Variants in KCND2 observed in about 807,000 individuals in gnomAD.
KCND2 encodes A-type voltage-gated potassium channel KCND2.
Under a neutral mutation model 54.4 loss-of-function variants are expected in KCND2, and 16 were observed. That is an observed-to-expected ratio of 0.29 (90% CI 0.20 to 0.45). The LOEUF is 0.45. Ranked by LOEUF, KCND2 falls within the 20% of genes least tolerant of loss-of-function variation. The pLI, the probability that KCND2 is intolerant of heterozygous loss-of-function variation, is 1.00. For missense variants in KCND2, 486 were observed against 824.2 expected, an observed-to-expected ratio of 0.59 and a Z score of 5.02; for synonymous variants, 317 against 310.7, an observed-to-expected ratio of 1.02 and a Z score of -0.21.
chr7:120,279,929 G>T (rs553360078), intron 1 of KCND2, among the ~76,000 whole-genome samples: 4 of 152,018 alleles, frequency 2.6e-5, no homozygotes, highest in African/African-American at 9.6e-5. Flanking sequence ...TTTGGGTAAT[G>T]ATGGGAGTAT....
intron 1 of KCND2, among the ~76,000 whole-genome samples, chr7:120,304,559 G>A (rs535720672): frequency 1.1e-4 from 17 of 152,230 alleles, no homozygotes; most frequent in Admixed American, 4.6e-4. Context: ...AATGGTGGGT[G>A]GGGCTCATCA....
chr7:120,516,832 CAT>C (rs1425186754), intron 1 of KCND2, among the ~76,000 whole-genome samples: 1 of 152,108 alleles, frequency 6.6e-6, no homozygotes, highest in Non-Finnish European at 1.5e-5. Context: ...ATAGAGGGAA[CAT>C]GTTTTAATGC....
intron 1 of KCND2, among the ~76,000 whole-genome samples, chr7:120,515,217 T>C (rs1026649575): frequency 6.6e-6 from 1 of 152,028 alleles, no homozygotes; most frequent in Non-Finnish European, 1.5e-5. Context: ...CCTCTTCTGC[T>C]TTTCTCACCT....
intron 1 of KCND2, among the ~76,000 whole-genome samples, chr7:120,321,727 T>C (rs916419198): frequency 6.6e-6 from 1 of 152,158 alleles, no homozygotes. Flanking sequence ...TCTTTACATA[T>C]ACTGCCTAAT....
chr7:120,314,422 A>G (rs1288901052), intron 1 of KCND2, among the ~76,000 whole-genome samples: 2 of 152,164 alleles, frequency 1.3e-5, no homozygotes, highest in African/African-American at 4.8e-5. Context: ...TCTAGGTTAA[A>G]AGACTAATTA....
intron 1 of KCND2, among the ~76,000 whole-genome samples, chr7:120,534,865 C>T (rs1562866337): frequency 6.6e-6 from 1 of 152,050 alleles, no homozygotes; most frequent in Non-Finnish European, 1.5e-5. Flanking sequence ...CCACATACCA[C>T]AAGTGGAATG....
At position 120,499,947 on chromosome 7, in the gene KCND2, G is replaced by C. The variant is rs188402009; in HGVS notation, c.1115+224200G>C. On this transcript the variant is annotated intron_variant, in intron 1 of 5. Coordinates refer to ENST00000331113, the MANE Select transcript of KCND2 (RefSeq NM_012281.3). ...ACCACCATTGTCCCCACCTAGCATGGGGTGCCCAGCACATAGTGAATGCTC... is the reference window on the plus strand; with the variant it reads ...ACCACCATTGTCCCCACCTAGCATGCGGTGCCCAGCACATAGTGAATGCTC... 1.4e-3 allele frequency among the ~76,000 whole-genome samples: 220 copies of C among 152,090 alleles called. 1 individual carries two copies. Among genetic ancestry groups the C allele is most frequent in the African/African-American group, 5.1e-3 (212 of 41,502 alleles).
At chr7:120,347,460 A>G (rs1341364175) in intron 1 of KCND2, among the ~76,000 whole-genome samples, 1 of 152,148 alleles carries the variant, frequency 6.6e-6, no homozygotes, top group East Asian at 1.9e-4. Flanking sequence ...TTTGACAGTA[A>G]GAGGTACATT....
rs1039909430 is a variant in KCND2, at chr7:120,322,408, C to T, written c.1115+46661C>T. 2.6e-5 allele frequency among the ~76,000 whole-genome samples: 4 copies of T among 152,182 alleles called. No individual in the cohort carries two copies. In the East Asian group the frequency reaches 7.7e-4, roughly 29 times the overall value. On this transcript the variant is annotated intron_variant, in intron 1 of 5. Transcript: ENST00000331113. ...CCTCAGTGACAGGATAAAAACAAAA[C>T]CTAACTCCCTTTCTTTGTCTACTGC...
In KCND2 at chr7:120,518,981, A is replaced by G. The variant is rs549965215; in HGVS notation, c.1116-213922A>G. On this transcript the variant is annotated intron_variant, in intron 1 of 5. Transcript: ENST00000331113. ...AGTATGTCAGATTTGAAGCATACGGAGGCCTAGACATGTTGTTGCTGGTTT... is the reference window on the plus strand; with the variant it reads ...AGTATGTCAGATTTGAAGCATACGGGGGCCTAGACATGTTGTTGCTGGTTT... Among the ~76,000 whole-genome samples, 3 of 152,232 alleles carry G rather than the reference A, an allele frequency of 2.0e-5. No individual in the cohort carries two copies. In the South Asian group the frequency reaches 6.2e-4, roughly 32 times the overall value.
intron 1 of KCND2, among the ~76,000 whole-genome samples, chr7:120,439,658 T>C (rs534289050): frequency 9.9e-5 from 15 of 152,036 alleles, no homozygotes; most frequent in Non-Finnish European, 2.1e-4. Context: ...CCATATCCTC[T>C]CCTCTCCCAT....
At chr7:120,336,918 C>T (rs557110807) in intron 1 of KCND2, among the ~76,000 whole-genome samples, 14 of 152,228 alleles carry the variant, frequency 9.2e-5, no homozygotes, top group African/African-American at 3.1e-4. Flanking sequence ...AAATTAGTTT[C>T]TCTCCATCAT....
chr7:120,665,967 T>G (rs944287468), intron 1 of KCND2, among the ~76,000 whole-genome samples: 1 of 152,134 alleles, frequency 6.6e-6, no homozygotes, highest in Non-Finnish European at 1.5e-5. Context: ...AGTTTTTGAT[T>G]AGACAAAATT....
chr7:120,708,960 G>T (rs1388996626), intron 1 of KCND2, among the ~76,000 whole-genome samples: 1 of 152,008 alleles, frequency 6.6e-6, no homozygotes, highest in African/African-American at 2.4e-5. Flanking sequence ...TGAGAAAACT[G>T]AATCTTAGAA....
At chr7:120,672,042 G>T (rs1791999591) in intron 1 of KCND2, among the ~76,000 whole-genome samples, 1 of 151,974 alleles carries the variant, frequency 6.6e-6, no homozygotes, top group Non-Finnish European at 1.5e-5. Context: ...TTCAAAGCCT[G>T]TCCTCACCTG....
At chr7:120,551,668 C>G (rs1011455515) in intron 1 of KCND2, among the ~76,000 whole-genome samples, 1 of 152,180 alleles carries the variant, frequency 6.6e-6, no homozygotes, top group African/African-American at 2.4e-5. Flanking sequence ...ATAGGTAAAC[C>G]ATGAGAGGTT....
At chr7:120,549,662 A>G (rs1369869520) in intron 1 of KCND2, among the ~76,000 whole-genome samples, 1 of 152,154 alleles carries the variant, frequency 6.6e-6, no homozygotes, top group Non-Finnish European at 1.5e-5. Context: ...TTTACTCTAA[A>G]AGCATCCATC....
At chr7:120,669,986 C>T (rs1412728523) in intron 1 of KCND2, among the ~76,000 whole-genome samples, 1 of 152,010 alleles carries the variant, frequency 6.6e-6, no homozygotes, top group Non-Finnish European at 1.5e-5. Context: ...ATAAAGCTTT[C>T]TGCAGGACCA....
At chr7:120,516,281 C>T (rs1034232140) in intron 1 of KCND2, among the ~76,000 whole-genome samples, 1 of 152,066 alleles carries the variant, frequency 6.6e-6, no homozygotes, top group Non-Finnish European at 1.5e-5. Flanking sequence ...ATGTTTATTA[C>T]AATACACGTA....
Sources: gnomAD v4.1 joint callset for allele counts (sites outside exome capture counted in the v4.1 genomes callset) on GRCh38, gnomAD v4.1.1 for gene constraint, MANE v1.5 for transcripts, NCBI Gene and HGNC (gene_info 2026-07-23, HGNC 2026-07-21) for gene names.